GALNT13: variants seen among roughly 807,000 people sequenced by gnomAD.
GALNT13 encodes polypeptide N-acetylgalactosaminyltransferase 13.
Under a neutral mutation model 64.2 loss-of-function variants are expected in GALNT13, and 28 were observed. The ratio of observed to expected loss-of-function variants is 0.44; its 90% CI spans 0.32 to 0.60. GALNT13 has a LOEUF of 0.60. Ranked by LOEUF, GALNT13 falls within the 20% of genes least tolerant of loss-of-function variation. GALNT13 has a pLI of 0.05. For missense variants in GALNT13, 577 were observed against 669.8 expected, an observed-to-expected ratio of 0.86 and a Z score of 1.53; for synonymous variants, 214 against 224.6, an observed-to-expected ratio of 0.95 and a Z score of 0.42.
chr2:153,491,598 T>TA, the GALNT13 span, among the ~76,000 whole-genome samples: 59 of 78,366 alleles, frequency 7.5e-4, 1 homozygote, highest in Middle Eastern at 6.8e-3. Context: ...CATATTATAT[T>TA]TATTTATTTA....
intron 6 of GALNT13, among the ~76,000 whole-genome samples, chr2:154,244,342 A>T (rs1689661723): frequency 6.6e-6 from 1 of 152,164 alleles, no homozygotes; most frequent in Non-Finnish European, 1.5e-5. Context: ...CTAATAAAGG[A>T]AGTGAGAAAA....
intron 8 of GALNT13, among the ~76,000 whole-genome samples, chr2:154,261,420 A>G (rs571384482): frequency 6.6e-6 from 1 of 152,268 alleles, no homozygotes; most frequent in South Asian, 2.1e-4. Flanking sequence ...TCTCTGTGAC[A>G]TGAATATGTT....
At chr2:154,340,288 C>G (rs1313625996) in intron 9 of GALNT13, among the ~76,000 whole-genome samples, 1 of 152,062 alleles carries the variant, frequency 6.6e-6, no homozygotes. Context: ...CAAGATCTCA[C>G]TATGTTACGC....
At chr2:153,278,215 G>C in the GALNT13 span, among the ~76,000 whole-genome samples, 2 of 151,962 alleles carry the variant, frequency 1.3e-5, no homozygotes, top group Admixed American at 1.3e-4. Context: ...TTACAGGCGT[G>C]AGCCACCGTG....
At chr2:153,131,275 A>G in the GALNT13 span, among the ~76,000 whole-genome samples, 2 of 152,200 alleles carry the variant, frequency 1.3e-5, no homozygotes, top group African/African-American at 4.8e-5. Context: ...GACAAGATAC[A>G]TTTTAAGCCT....
At chr2:154,089,210 T>C (rs1235699856) in intron 3 of GALNT13, among the ~76,000 whole-genome samples, 1 of 152,108 alleles carries the variant, frequency 6.6e-6, no homozygotes, top group Non-Finnish European at 1.5e-5. Flanking sequence ...GCCTACTCCA[T>C]GGGCAAAATT....
At chr2:154,129,726 C>A (rs1038399835) in intron 3 of GALNT13, among the ~76,000 whole-genome samples, 5 of 151,762 alleles carry the variant, frequency 3.3e-5, no homozygotes, top group African/African-American at 9.7e-5. Flanking sequence ...TAAAGTGATA[C>A]CTATGTTAAT....
At chr2:154,011,797 T>C (rs1015397558) in intron 3 of GALNT13, among the ~76,000 whole-genome samples, 6 of 152,230 alleles carry the variant, frequency 3.9e-5, no homozygotes, top group African/African-American at 1.2e-4. Context: ...TCTTGTTGAA[T>C]TGAATTATAT....
chr2:153,163,587 A>C, the GALNT13 span, among the ~76,000 whole-genome samples: 1 of 152,262 alleles, frequency 6.6e-6, no homozygotes. Flanking sequence ...CGAGATTAAC[A>C]AGCTGATTTC....
the GALNT13 span, among the ~76,000 whole-genome samples, chr2:153,578,897 TA>T: frequency 6.6e-6 from 1 of 152,118 alleles, no homozygotes; most frequent in Admixed American, 6.6e-5. Flanking sequence ...CAGAGGACCA[TA>T]AAAAAACCAT....
chr2:154,374,927 A>G (rs187608089), intron 9 of GALNT13, among the ~76,000 whole-genome samples: 2 of 152,362 alleles, frequency 1.3e-5, no homozygotes, highest in Admixed American at 1.3e-4. Context: ...GTTATTTAGA[A>G]TACAGTCATT....
intron 4 of GALNT13, among the ~76,000 whole-genome samples, chr2:154,147,254 T>C (rs866384669): frequency 1.4e-4 from 22 of 151,860 alleles, no homozygotes; most frequent in East Asian, 1.2e-3. Context: ...CGGGACCTAA[T>C]TGTGTACCAA....
At chr2:153,696,387 G>A in the GALNT13 span, among the ~76,000 whole-genome samples, 1 of 152,086 alleles carries the variant, frequency 6.6e-6, no homozygotes, top group African/African-American at 2.4e-5. Flanking sequence ...ATGAGGATGA[G>A]TCTGCCTCTC....
At chr2:153,260,355 C>A in the GALNT13 span, among the ~76,000 whole-genome samples, 8 of 152,300 alleles carry the variant, frequency 5.3e-5, no homozygotes, top group Non-Finnish European at 1.2e-4. Context: ...GATTGAAGAA[C>A]TTCCTTTAGC....
chr2:154,142,907 A>AT (rs1683346965), intron 4 of GALNT13, among the ~76,000 whole-genome samples: 1 of 152,066 alleles, frequency 6.6e-6, no homozygotes, highest in Non-Finnish European at 1.5e-5. Context: ...ATATACAAAA[A>AT]ATATATACAA....
chr2:153,727,137 A>G, the GALNT13 span, among the ~76,000 whole-genome samples: 11 of 152,250 alleles, frequency 7.2e-5, no homozygotes, highest in Non-Finnish European at 1.6e-4. Flanking sequence ...TAGACTTTCA[A>G]GCTTACCTTT....
At chr2:153,351,375 C>T in the GALNT13 span, among the ~76,000 whole-genome samples, 1 of 152,094 alleles carries the variant, frequency 6.6e-6, no homozygotes. Context: ...CCATTATACC[C>T]CCTGCCCTAG....
intron 3 of GALNT13, among the ~76,000 whole-genome samples, chr2:154,020,534 T>A (rs1697378036): frequency 6.6e-6 from 1 of 152,158 alleles, no homozygotes; most frequent in South Asian, 2.1e-4. Flanking sequence ...TTCGCCCACT[T>A]TTTGATGGGG....
chr2:153,271,176 A>G, the GALNT13 span, among the ~76,000 whole-genome samples: 2 of 152,218 alleles, frequency 1.3e-5, no homozygotes, highest in Admixed American at 6.5e-5. Context: ...CTGAATGGGC[A>G]AAAGCTGGAA....
Sources: gnomAD v4.1 joint callset for allele counts (sites outside exome capture counted in the v4.1 genomes callset) on GRCh38, gnomAD v4.1.1 for gene constraint, MANE v1.5 for transcripts, NCBI Gene and HGNC (gene_info 2026-07-23, HGNC 2026-07-21) for gene names.